The following VWA8 variants were observed in gnomAD, a reference collection of about 807,000 sequenced individuals.
VWA8 encodes von Willebrand factor A domain-containing protein 8.
In VWA8, 221 loss-of-function variants were observed where a neutral mutation model predicts 241.5. The observed-to-expected ratio is 0.91, with a 90% CI of 0.82 to 1.02. VWA8 has a LOEUF of 1.02. Among genes scored for constraint, VWA8 ranks in the 50% least tolerant of loss-of-function variants. The pLI is 0.00. For synonymous variants in VWA8, 852 were observed against 827.1 expected, an observed-to-expected ratio of 1.03 and a Z score of -0.52; for missense variants, 2,322 against 2,328.7, an observed-to-expected ratio of 1.00 and a Z score of 0.06.
intron 14 of VWA8, among the ~76,000 whole-genome samples, chr13:41,824,578 A>G (rs1871100185): frequency 2.6e-5 from 4 of 152,092 alleles, no homozygotes; most frequent in Admixed American, 2.6e-4. Flanking sequence ...CTGTAATCCC[A>G]GCATTTTAGG....
chr13:41,764,745 T>G (rs981346158), intron 20 of VWA8, among the ~76,000 whole-genome samples: 3 of 150,914 alleles, frequency 2.0e-5, no homozygotes, highest in East Asian at 3.9e-4. Flanking sequence ...AGAAAGGGAG[T>G]GGTAAGAAAC....
intron 9 of VWA8, among the ~76,000 whole-genome samples, chr13:41,883,045 T>G (rs1874339784): frequency 6.6e-6 from 1 of 152,154 alleles, no homozygotes; most frequent in South Asian, 2.1e-4. Flanking sequence ...CTTCCCCCTT[T>G]CCATGGTTAT....
At chr13:41,847,256 C>T (rs1366812176) in intron 12 of VWA8, among the ~76,000 whole-genome samples, 1 of 151,932 alleles carries the variant, frequency 6.6e-6, no homozygotes, top group Admixed American at 6.6e-5. Context: ...AATAGAAGGA[C>T]ACAAATAAGA....
chr13:41,788,480 T>C (rs1450954456), intron 17 of VWA8, among the ~76,000 whole-genome samples: 1 of 152,184 alleles, frequency 6.6e-6, no homozygotes, highest in Non-Finnish European at 1.5e-5. Context: ...CTGACATTAT[T>C]ATCTCTTACC....
intron 37 of VWA8, among the ~76,000 whole-genome samples, chr13:41,624,787 C>G (rs1470048388): frequency 6.6e-6 from 1 of 152,170 alleles, no homozygotes; most frequent in Admixed American, 6.5e-5. Context: ...CCTCTCATTA[C>G]TCCCATTCCA....
chr13:41,827,861 T>C (rs967165610), intron 14 of VWA8, among the ~76,000 whole-genome samples: 1 of 152,224 alleles, frequency 6.6e-6, no homozygotes, highest in East Asian at 1.9e-4. Flanking sequence ...TAGAAAAGGG[T>C]TGTCATTTCC....
intron 37 of VWA8, among the ~76,000 whole-genome samples, chr13:41,661,101 T>G (rs2044947227): frequency 1.3e-5 from 2 of 152,294 alleles, no homozygotes; most frequent in South Asian, 4.1e-4. Flanking sequence ...CTTGATCTTG[T>G]GATCCGCCCA....
At chr13:41,618,457 G>A (rs1371457926) in intron 37 of VWA8, among the ~76,000 whole-genome samples, 1 of 152,156 alleles carries the variant, frequency 6.6e-6, no homozygotes, top group African/African-American at 2.4e-5. Flanking sequence ...TTCTTTTGCT[G>A]TGCAGAAGCT....
At chr13:41,852,535 G>C (rs1427890128) in intron 12 of VWA8, among the ~76,000 whole-genome samples, 2 of 152,034 alleles carry the variant, frequency 1.3e-5, no homozygotes, top group Admixed American at 1.3e-4. Context: ...CTGTTACCCA[G>C]ACCAATATCT....
intron 38 of VWA8, among the ~76,000 whole-genome samples, chr13:41,612,480 T>A (rs1440536796): frequency 2.0e-5 from 3 of 152,228 alleles, no homozygotes; most frequent in African/African-American, 7.2e-5. Context: ...ATATTGTAAA[T>A]GCCTGTAAGG....
At chr13:41,727,166 GTATTGT>G (rs754756898) in intron 24 of VWA8, 22 bp downstream of exon 24, 8 of 1,485,928 alleles carry the variant, frequency 5.4e-6, no homozygotes, top group Non-Finnish European at 7.3e-6. Flanking sequence ...ACTGCTATTG[GTATTGT>G]TATTATCATT....
intron 12 of VWA8, among the ~76,000 whole-genome samples, chr13:41,859,078 T>C (rs1222262546): frequency 8.9e-6 from 1 of 112,064 alleles, no homozygotes; most frequent in African/African-American, 3.3e-5. Flanking sequence ...ACCTGTCTCT[T>C]AAAAAAAAAA....
At chr13:41,645,832 T>C (rs931249321) in intron 37 of VWA8, among the ~76,000 whole-genome samples, 4 of 152,214 alleles carry the variant, frequency 2.6e-5, no homozygotes, top group Non-Finnish European at 5.9e-5. Context: ...AATCACATAA[T>C]ATCAGATGTG....
chr13:41,634,567 G>A (rs1004896649), intron 37 of VWA8, among the ~76,000 whole-genome samples: 2 of 152,206 alleles, frequency 1.3e-5, no homozygotes, highest in African/African-American at 2.4e-5. Flanking sequence ...CAGTGTTTGA[G>A]TGTGTGGGAG....
Position 41,625,782 on chromosome 13 carries a change from C to G in VWA8, c.4612-10698G>C, listed in dbSNP as rs543275728. ...ATGCTGCTATAAAGACACATGAACA[C>G]GTATGTTTATTGCGGCACTATTCAC... On this transcript the variant is annotated intron_variant, in intron 37 of 44. Transcript: ENST00000379310. Among the ~76,000 whole-genome samples, 31 of 151,846 alleles carry G rather than the reference C, an allele frequency of 2.0e-4. No individual in the cohort carries two copies. In the East Asian group the frequency reaches 2.7e-3, roughly 13 times the overall value.
chr13:41,826,707 A>C (rs548039359), intron 14 of VWA8, among the ~76,000 whole-genome samples: 161 of 152,166 alleles, frequency 1.1e-3, no homozygotes, highest in Middle Eastern at 3.4e-3. Context: ...GCTCCAAAAA[A>C]AAATGGGAAA....
chr13:41,613,076 T>C (rs1224860583), intron 38 of VWA8, among the ~76,000 whole-genome samples: 2 of 152,196 alleles, frequency 1.3e-5, no homozygotes, highest in Non-Finnish European at 2.9e-5. Context: ...TGAAGGCTTT[T>C]AGACTTTGGG....
intron 9 of VWA8, among the ~76,000 whole-genome samples, chr13:41,880,126 G>A (rs891311292): frequency 6.6e-6 from 1 of 152,040 alleles, no homozygotes; most frequent in African/African-American, 2.4e-5. Flanking sequence ...CATGCCCCAC[G>A]TATTATAAAC....
At chr13:41,601,788 C>T (rs763112327) in intron 40 of VWA8, among the ~76,000 whole-genome samples, 1 of 152,136 alleles carries the variant, frequency 6.6e-6, no homozygotes, top group Non-Finnish European at 1.5e-5. Flanking sequence ...AACATAGGCA[C>T]ATGTTAAAGC....
Sources: gnomAD v4.1 joint callset for allele counts (sites outside exome capture counted in the v4.1 genomes callset) on GRCh38, gnomAD v4.1.1 for gene constraint, MANE v1.5 for transcripts, NCBI Gene and HGNC (gene_info 2026-07-23, HGNC 2026-07-21) for gene names.